DLEC1: variants seen among roughly 807,000 people sequenced by gnomAD.
DLEC1 encodes deleted in lung and esophageal cancer protein 1.
A neutral mutation model predicts 198.1 loss-of-function variants in DLEC1; 146 were observed. The ratio of observed to expected loss-of-function variants is 0.74; its 90% CI spans 0.64 to 0.85. The LOEUF (loss-of-function observed/expected upper bound fraction) is 0.85. Among genes scored for constraint, DLEC1 ranks in the 40% least tolerant of loss-of-function variants. The probability of loss-of-function intolerance (pLI) is 0.00; values close to 1 mark genes in which losing one functional copy is unlikely to be tolerated. For synonymous variants in DLEC1, 897 were observed against 866.8 expected (o/e 1.03, Z -0.61); for missense variants, 2,233 against 2,220.0 (o/e 1.01, Z -0.12).
Position 38,039,482 on chromosome 3 carries a change from C to T in DLEC1, c.257C>T (p.Ser86Leu). 2 of 1,614,046 alleles carry T rather than the reference C, an allele frequency of 1.2e-6. No homozygotes were observed. The highest frequency in any genetic ancestry group is 1.1e-5 in the South Asian group (1 of 91,084). Reference protein sequence around the residue: ...EPQLLRLRPSSLRTQDISHLL... With the variant: ...EPQLLRLRPSLLRTQDISHLL... ...CAGCTGCTTCGTCTGCGCCCCTCCT[C>T]GCTGCGCACCCAAGATATCTCGCAC... is the stretch of plus-strand genomic sequence containing the variant. The change falls in exon 1 of 37, where the codon TCG (serine) becomes TTG (leucine). Residue 86 changes from serine to leucine, a missense_variant. Coordinates refer to ENST00000308059, the MANE Select transcript of DLEC1 (RefSeq NM_007335.4).
In DLEC1 at chr3:38,111,747, G is replaced by C; in HGVS notation, c.3514G>C (p.Asp1172His). 2 of 1,611,062 alleles carry C rather than the reference G, an allele frequency of 1.2e-6. No individual in the cohort carries two copies. Among genetic ancestry groups the C allele is most frequent in the Non-Finnish European group, 1.7e-6 (2 of 1,179,644 alleles). ...GCACCTGGCCAAGCGAGAGCAGCTG[G>C]GTAAGCGCCACCAGGGTGGGGCTTC... ...QEHLAKREQL[D>H]FMESMLSHGK... Residue 1172 changes from aspartate to histidine, a missense_variant and splice_region_variant, in exon 24 of 37, where the codon GAT (aspartate) becomes CAT (histidine). Coordinates refer to ENST00000308059, the MANE Select transcript of DLEC1 (RefSeq NM_007335.4).
chr3:38,041,923 T>G (rs1396109422), intron 1 of DLEC1, among the ~76,000 whole-genome samples: 1 of 151,868 alleles, frequency 6.6e-6, no homozygotes, highest in East Asian at 1.9e-4. Context: ...ATTCACACTA[T>G]GGAATACTAC....
chr3:38,080,802 CTTT>C lies in DLEC1; in HGVS notation c.1174-3338_1174-3336del, dbSNP rs76282097. On this transcript the variant is annotated intron_variant, in intron 6 of 36. Coordinates refer to ENST00000308059, the MANE Select transcript of DLEC1 (RefSeq NM_007335.4). ...CACGGAGGGAAGGGGTTCGGGTGTT[CTTT>C]TTTTTTTTTTTTTTTTTAATTTATT... 8.6e-4 allele frequency among the ~76,000 whole-genome samples: 97 copies of C among 112,776 alleles called. 1 individual carries two copies. The highest frequency in any genetic ancestry group is 1.6e-3 in the African/African-American group (48 of 29,376). 74.0% of individuals were successfully genotyped at this position (112,776 alleles called of 152,430 possible). A position where few individuals can be genotyped will look rare whatever the true frequency, so the allele number is the denominator to read the frequency against.
intron 6 of DLEC1, among the ~76,000 whole-genome samples, chr3:38,064,599 C>T (rs905291032): frequency 1.1e-4 from 16 of 149,132 alleles, no homozygotes; most frequent in Non-Finnish European, 1.2e-4. Flanking sequence ...GGCAGAGGCT[C>T]CCCCACCACC....
intron 2 of DLEC1, among the ~76,000 whole-genome samples, chr3:38,054,105 C>T (rs1414512598): frequency 6.6e-6 from 1 of 152,060 alleles, no homozygotes; most frequent in African/African-American, 2.4e-5. Context: ...CCCTTGTTCA[C>T]TTGTTTATCT....
chr3:38,041,186 T>G (rs1256232645), intron 1 of DLEC1, among the ~76,000 whole-genome samples: 1 of 152,060 alleles, frequency 6.6e-6, no homozygotes, highest in African/African-American at 2.4e-5. Flanking sequence ...GTATTTTTAG[T>G]AGAGACAGGG....
intron 2 of DLEC1, among the ~76,000 whole-genome samples, chr3:38,053,740 T>G (rs1474051839): frequency 1.3e-5 from 2 of 152,166 alleles, no homozygotes; most frequent in Non-Finnish European, 2.9e-5. Flanking sequence ...GATGGCGGTT[T>G]TGTTGAATGG....
At chr3:38,115,665 G>A (rs1043647439) in intron 27 of DLEC1, among the ~76,000 whole-genome samples, 1 of 152,176 alleles carries the variant, frequency 6.6e-6, no homozygotes, top group Admixed American at 6.5e-5. Context: ...GAAGGCAGGA[G>A]GGGAGGGGAA....
Position 38,123,200 on chromosome 3 carries a change from T to G in DLEC1, c.*788T>G. On this transcript the variant is annotated 3_prime_UTR_variant, in exon 37 of 37. Transcript: ENST00000308059. ...CAGACCAGGCTGACCCAGAAGGACG[T>G]CATGGACAAGTAGGATGCAAAACCA... 1 of 1,411,246 alleles carries G rather than the reference T, an allele frequency of 7.1e-7. No homozygotes were observed. The highest frequency in any genetic ancestry group is 1.0e-6 in the Non-Finnish European group (1 of 998,062). The allele number at this position is 1,411,246 out of a possible 1,614,324, so 87.4% of individuals were successfully genotyped here. A position where few individuals can be genotyped will look rare whatever the true frequency, so the allele number is the denominator to read the frequency against.
At chr3:38,106,525 G>A (rs6802295) in intron 19 of DLEC1, among the ~76,000 whole-genome samples, 2,071 of 152,252 alleles carry the variant, frequency 0.014, 39 homozygotes, top group African/African-American at 0.047. Flanking sequence ...GGAGGCCAAG[G>A]TGGGAGGATC....
chr3:38,071,872 A>G (rs924105426), intron 6 of DLEC1, among the ~76,000 whole-genome samples: 2 of 152,064 alleles, frequency 1.3e-5, no homozygotes, highest in African/African-American at 2.4e-5. Flanking sequence ...ATATTGACGC[A>G]TAGTCCTTTT....
chr3:38,088,281 C>T lies in DLEC1; in HGVS notation c.1573-15C>T, dbSNP rs1304468753. 1 of 1,611,156 alleles carries T rather than the reference C, an allele frequency of 6.2e-7. No homozygotes were observed. The highest frequency in any genetic ancestry group is 2.2e-5 in the East Asian group (1 of 44,820). On this transcript the variant is annotated splice_polypyrimidine_tract_variant and intron_variant, in intron 9 of 36. Coordinates refer to ENST00000308059, the MANE Select transcript of DLEC1 (RefSeq NM_007335.4). ...AATGTCTTCCACACTGTTGGGTAAT[C>T]TGCTTTTCTTTAAGGCCATTGCAAC...
At chr3:38,119,151 G>A (rs1035224479) in intron 33 of DLEC1, among the ~76,000 whole-genome samples, 8 of 152,208 alleles carry the variant, frequency 5.3e-5, no homozygotes, top group South Asian at 2.1e-4. Flanking sequence ...AAAAGTTCCA[G>A]AAAAAGGACA....
chr3:38,119,527 C>T (rs1700348747), intron 33 of DLEC1, among the ~76,000 whole-genome samples: 1 of 152,086 alleles, frequency 6.6e-6, no homozygotes, highest in Non-Finnish European at 1.5e-5. Context: ...AGTTTCTAAG[C>T]CTGGCAATAG....
chr3:38,067,678 G>A (rs1291889513), intron 6 of DLEC1, among the ~76,000 whole-genome samples: 1 of 151,998 alleles, frequency 6.6e-6, no homozygotes, highest in Non-Finnish European at 1.5e-5. Flanking sequence ...TCTCTATGTG[G>A]GCTGTGCTTC....
intron 2 of DLEC1, among the ~76,000 whole-genome samples, chr3:38,057,261 C>A (rs972899642): frequency 6.6e-5 from 10 of 152,208 alleles, no homozygotes; most frequent in Non-Finnish European, 1.3e-4. Flanking sequence ...GAGGCCAAGG[C>A]GGGCAGATCA....
chr3:38,042,393 C>T (rs1460963506), intron 1 of DLEC1, among the ~76,000 whole-genome samples: 1 of 152,114 alleles, frequency 6.6e-6, no homozygotes, highest in Non-Finnish European at 1.5e-5. Context: ...ACTTTCACAA[C>T]AAAATGTTAA....
intron 10 of DLEC1, 31 bp from the exon 11 acceptor site, chr3:38,092,759 G>C (rs375308898): frequency 1.3e-5 from 21 of 1,602,044 alleles, no homozygotes; most frequent in Middle Eastern, 1.6e-4. Flanking sequence ...CCTTTAATGG[G>C]AGGTAACGGA....
chr3:38,090,731 C>T (rs1023277204), intron 10 of DLEC1, among the ~76,000 whole-genome samples: 1 of 152,232 alleles, frequency 6.6e-6, no homozygotes, highest in Admixed American at 6.5e-5. Context: ...ATACTTTCAA[C>T]AGCAGTATGT....
Sources: allele counts gnomAD v4.1 joint callset (sites outside exome capture counted in the v4.1 genomes callset), GRCh38; gene constraint gnomAD v4.1.1; transcripts MANE v1.5; gene names NCBI Gene and HGNC (gene_info 2026-07-23, HGNC 2026-07-21).